Variants in ITFG1 observed in about 807,000 individuals in gnomAD.
ITFG1 encodes the protein T-cell immunomodulatory protein.
Under a neutral mutation model 81.8 loss-of-function variants are expected in ITFG1, and 34 were observed. The observed-to-expected ratio is 0.42, with a 90% CI of 0.32 to 0.55. The LOEUF (loss-of-function observed/expected upper bound fraction) is 0.55. Ranked by LOEUF, ITFG1 falls within the 20% of genes least tolerant of loss-of-function variation. The pLI, the probability that ITFG1 is intolerant of heterozygous loss-of-function variation, is 0.17. For missense variants in ITFG1, 672 were observed against 755.4 expected, an observed-to-expected ratio of 0.89 and a Z score of 1.29; for synonymous variants, 285 against 270.6, an observed-to-expected ratio of 1.05 and a Z score of -0.52.
chr16:47,336,270 G>A (rs1470695550), intron 8 of ITFG1, among the ~76,000 whole-genome samples: 1 of 152,132 alleles, frequency 6.6e-6, no homozygotes, highest in Non-Finnish European at 1.5e-5. Context: ...TCTGGAAAAC[G>A]GTCAAAGGTT....
intron 10 of ITFG1, among the ~76,000 whole-genome samples, chr16:47,265,249 G>A (rs1966262986): frequency 6.7e-6 from 1 of 149,942 alleles, no homozygotes; most frequent in Admixed American, 6.6e-5. Flanking sequence ...AGTCATTTAT[G>A]TCTATATTTT....
intron 14 of ITFG1, among the ~76,000 whole-genome samples, chr16:47,164,227 TGCA>T (rs1321843701): frequency 6.6e-6 from 1 of 151,966 alleles, no homozygotes; most frequent in Non-Finnish European, 1.5e-5. Flanking sequence ...CTGTATTCCC[TGCA>T]GCAGTTGCCC....
chr16:47,338,670 A>T (rs8059823), intron 8 of ITFG1, among the ~76,000 whole-genome samples: 20,823 of 149,612 alleles, frequency 0.14, 2,838 homozygotes, highest in African/African-American at 0.36. Context: ...TTTTTTTTTT[A>T]AATTTTTAAT....
intron 16 of ITFG1, chr16:47,161,487 C>A: frequency 4.0e-6 from 1 of 248,232 alleles, no homozygotes. Flanking sequence ...AACTGAAGAG[C>A]AGTTTATTTA....
intron 6 of ITFG1, among the ~76,000 whole-genome samples, chr16:47,424,571 A>T (rs1022057949): frequency 6.6e-6 from 1 of 152,144 alleles, no homozygotes; most frequent in Non-Finnish European, 1.5e-5. Context: ...TTGTGGTTTT[A>T]TCTACCTTTG....
At chr16:47,337,565 G>A (rs1967723488) in intron 8 of ITFG1, among the ~76,000 whole-genome samples, 1 of 152,214 alleles carries the variant, frequency 6.6e-6, no homozygotes, top group Non-Finnish European at 1.5e-5. Flanking sequence ...GTGAGACTCT[G>A]TCTCATAAAA....
At chr16:47,194,011 G>A (rs1965324925) in intron 14 of ITFG1, among the ~76,000 whole-genome samples, 1 of 152,122 alleles carries the variant, frequency 6.6e-6, no homozygotes, top group Non-Finnish European at 1.5e-5. Context: ...TATAGTTTTT[G>A]TGTCTACTAT....
chr16:47,282,626 C>T lies in ITFG1; in HGVS notation c.1071-21931G>A, dbSNP rs111864364. ...TAAGTACCCAGTAGTAGGATTGCTA[C>T]GTCAAATGGTAATTCTATTTTTAGT... On this transcript the variant is annotated intron_variant, in intron 10 of 17. Transcript: ENST00000320640. Among the ~76,000 whole-genome samples the T allele has an allele frequency of 4.5e-3, 684 of 152,170 alleles. 8 individuals are homozygous for T. The highest frequency in any genetic ancestry group is 0.024 in the Middle Eastern group (7 of 294).
chr16:47,230,022 C>T (rs564501877), intron 13 of ITFG1, among the ~76,000 whole-genome samples: 2 of 152,228 alleles, frequency 1.3e-5, no homozygotes, highest in South Asian at 4.1e-4. Flanking sequence ...TGCCTAATTT[C>T]TGAACTAAGC....
intron 10 of ITFG1, among the ~76,000 whole-genome samples, chr16:47,268,575 G>A (rs1966303931): frequency 6.6e-6 from 1 of 152,190 alleles, no homozygotes; most frequent in African/African-American, 2.4e-5. Context: ...TTCTTCATGA[G>A]GATAGATGCG....
chr16:47,217,148 A>AT (rs1472390672), intron 14 of ITFG1, among the ~76,000 whole-genome samples: 1 of 151,710 alleles, frequency 6.6e-6, no homozygotes, highest in Non-Finnish European at 1.5e-5. Context: ...TTATATGAAA[A>AT]AAAAAGAAAA....
intron 13 of ITFG1, among the ~76,000 whole-genome samples, chr16:47,230,629 G>A (rs1252007874): frequency 6.6e-6 from 1 of 152,210 alleles, no homozygotes; most frequent in Non-Finnish European, 1.5e-5. Context: ...TTCCTGGAGA[G>A]GAGGCAGGTG....
At chr16:47,235,049 T>C (rs1290599490) in intron 13 of ITFG1, among the ~76,000 whole-genome samples, 1 of 152,200 alleles carries the variant, frequency 6.6e-6, no homozygotes, top group Non-Finnish European at 1.5e-5. Context: ...ATTAAACCTC[T>C]TTTCTTTATA....
In ITFG1 at chr16:47,404,789, C is replaced by A. The variant is rs989655404; in HGVS notation, c.655+24015G>T. 3.9e-5 allele frequency among the ~76,000 whole-genome samples: 6 copies of A among 151,956 alleles called. 1 individual carries two copies. The highest frequency in any genetic ancestry group is 1.4e-4 in the African/African-American group (6 of 41,380). ...TAAGCTTTAGTTCTTTAATTTTGTTCACTTGTAATCAAAGCAGTCTTTCCA... is the reference window on the plus strand; with the variant it reads ...TAAGCTTTAGTTCTTTAATTTTGTTAACTTGTAATCAAAGCAGTCTTTCCA... On this transcript the variant is annotated intron_variant, in intron 6 of 17. Coordinates refer to ENST00000320640, the MANE Select transcript of ITFG1 (RefSeq NM_030790.5).
At chr16:47,195,331 A>G (rs997220850) in intron 14 of ITFG1, among the ~76,000 whole-genome samples, 1 of 152,188 alleles carries the variant, frequency 6.6e-6, no homozygotes, top group Non-Finnish European at 1.5e-5. Flanking sequence ...CAAAACTGGT[A>G]GAAAGGAGAC....
intron 10 of ITFG1, among the ~76,000 whole-genome samples, chr16:47,287,564 C>T (rs1188699379): frequency 6.6e-6 from 1 of 151,962 alleles, no homozygotes; most frequent in Non-Finnish European, 1.5e-5. Context: ...CTATGTCTGG[C>T]TATTATAAAA....
intron 10 of ITFG1, among the ~76,000 whole-genome samples, chr16:47,300,105 T>C (rs981126695): frequency 3.3e-5 from 5 of 152,194 alleles, no homozygotes; most frequent in African/African-American, 1.2e-4. Context: ...ATGGTCTGGA[T>C]TGTATGATTC....
chr16:47,270,085 G>A (rs993682354), intron 10 of ITFG1, among the ~76,000 whole-genome samples: 1 of 152,072 alleles, frequency 6.6e-6, no homozygotes. Flanking sequence ...CGGATATAAT[G>A]GATCACAGAC....
chr16:47,356,159 G>A (rs1968036896), intron 8 of ITFG1, among the ~76,000 whole-genome samples: 1 of 152,112 alleles, frequency 6.6e-6, no homozygotes. Flanking sequence ...TAACTTCTCT[G>A]AACCCCTATT....
Sources: allele counts gnomAD v4.1 joint callset (sites outside exome capture counted in the v4.1 genomes callset), GRCh38; gene constraint gnomAD v4.1.1; transcripts MANE v1.5; gene names NCBI Gene and HGNC (gene_info 2026-07-23, HGNC 2026-07-21).